Variants in NXPE1 observed in about 807,000 individuals in gnomAD.
The protein encoded by NXPE1 is NXPE family member 1.
A neutral mutation model predicts 33.3 loss-of-function variants in NXPE1; 31 were observed. The ratio of observed to expected loss-of-function variants is 0.93; its 90% confidence interval spans 0.70 to 1.26. NXPE1 has a LOEUF of 1.26. Ranked by LOEUF, NXPE1 falls within the 50% of genes most tolerant of loss-of-function variation. NXPE1 has a pLI of 0.00. For synonymous variants in NXPE1, 229 were observed against 231.4 expected (o/e 0.99, Z 0.09); for missense variants, 661 against 655.6 (o/e 1.01, Z -0.09).
chr11:114,553,713 T>A, intron 1 of NXPE1: 6 of 985,350 alleles, frequency 6.1e-6, no homozygotes, highest in African/African-American at 1.7e-5. Context: ...TAGCTTGAGC[T>A]CTGCATATCC....
downstream of NXPE1, among the ~76,000 whole-genome samples, chr11:114,520,252 C>T (rs10891690): frequency 0.23 from 34,359 of 151,866 alleles, 5,439 homozygotes; most frequent in African/African-American, 0.44. Flanking sequence ...TTGACCTACA[C>T]CTCCCTGTTT....
At chr11:114,529,396 C>T (rs1053502748) in intron 6 of NXPE1, 2 of 152,178 alleles carry the variant, frequency 1.3e-5, no homozygotes, top group African/African-American at 4.8e-5. Flanking sequence ...ATGAAGGAAC[C>T]CTGATGTTTC....
rs1217915088 is a variant in NXPE1, at chr11:114,527,835, C to T, written c.895+5G>A. The T allele has an allele frequency of 6.2e-7, 1 of 1,603,486 alleles. No homozygotes were observed. Among genetic ancestry groups the T allele is most frequent in the Admixed American group, 1.7e-5 (1 of 58,844 alleles). ...ATCACCTAACTCAGGACAGAGCCAACTTACTGTTACAATTAGTGACATCAA... is the reference window on the plus strand; with the variant it reads ...ATCACCTAACTCAGGACAGAGCCAATTTACTGTTACAATTAGTGACATCAA... On this transcript the variant is annotated splice_donor_5th_base_variant and intron_variant, in intron 7 of 8. Coordinates refer to ENST00000534921, the Ensembl canonical transcript of NXPE1.
intron 8 of NXPE1, 49 bp downstream of exon 8, chr11:114,522,830 A>T: frequency 7.3e-7 from 1 of 1,365,736 alleles, no homozygotes. Context: ...CATTAAAAGT[A>T]CTTTAAAACC....
intron 5 of NXPE1, among the ~76,000 whole-genome samples, chr11:114,539,721 T>C (rs897458244): frequency 1.3e-5 from 2 of 152,136 alleles, no homozygotes; most frequent in Non-Finnish European, 2.9e-5. Flanking sequence ...ATACTAGCCC[T>C]AGTGTAAATT....
intron 5 of NXPE1, among the ~76,000 whole-genome samples, chr11:114,534,497 A>G (rs1476759682): frequency 6.6e-6 from 1 of 152,212 alleles, no homozygotes; most frequent in Non-Finnish European, 1.5e-5. Context: ...GAGCTAAAGG[A>G]GGAAGTTCGA....
In NXPE1 at chr11:114,530,144, A is replaced by G. The variant is rs1450414915; in HGVS notation, c.833+31T>C. On this transcript the variant is annotated intron_variant, in intron 6 of 8. Coordinates refer to ENST00000534921, the Ensembl canonical transcript of NXPE1. ...CTGACTGGGGCACTTCTCAGGGGAC[A>G]CTTCTCAGTATACATGAAAAGTATA... 3.2e-6 allele frequency: 5 copies of G among 1,552,926 alleles called. No individual in the cohort carries two copies. The African/African-American group carries it at 5.5e-5, about 17-fold the overall frequency.
chr11:114,519,188 T>C (rs2134874464), downstream of NXPE1, among the ~76,000 whole-genome samples: 1 of 151,462 alleles, frequency 6.6e-6, no homozygotes, highest in South Asian at 2.1e-4. Context: ...AAATTATACA[T>C]ATTTTTCTAA....
intron 5 of NXPE1, 93 bp downstream of exon 5, chr11:114,551,010 A>T: frequency 1.5e-6 from 1 of 659,550 alleles, no homozygotes; most frequent in South Asian, 1.8e-5. Context: ...GTGGGGGAGG[A>T]GGGGCAGGAC....
intron 5 of NXPE1, 22 bp downstream of exon 5, chr11:114,551,081 A>C (rs1948466047): frequency 1.5e-6 from 2 of 1,301,416 alleles, no homozygotes; most frequent in South Asian, 1.3e-5. Context: ...TGTGATCTGC[A>C]TCAAAGGTGA....
At chr11:114,521,699 A>C (rs1192083036) in exon 9 of NXPE1, 1 of 370,164 alleles carries the variant, frequency 2.7e-6, no homozygotes, top group Non-Finnish European at 4.8e-6. Flanking sequence ...GATATTTTCA[A>C]ATCAGCTTAA....
intron 7 of NXPE1, among the ~76,000 whole-genome samples, chr11:114,523,416 T>A (rs976753074): frequency 2.6e-5 from 4 of 152,160 alleles, no homozygotes; most frequent in Non-Finnish European, 2.9e-5. Flanking sequence ...CTTTGTCTCT[T>A]ACCCAAATGA....
At chr11:114,522,279 A>G in exon 9 of NXPE1, 2 of 1,614,064 alleles carry the variant, frequency 1.2e-6, no homozygotes, top group South Asian at 1.1e-5. Context: ...TCAATGGGAA[A>G]TGGTCTAAAG....
At chr11:114,532,974 G>A (rs1947640061) in intron 5 of NXPE1, among the ~76,000 whole-genome samples, 1 of 152,142 alleles carries the variant, frequency 6.6e-6, no homozygotes, top group South Asian at 2.1e-4. Context: ...CATTTACTTA[G>A]CATTACAATT....
chr11:114,543,535 CT>C (rs1948173958), intron 5 of NXPE1, among the ~76,000 whole-genome samples: 2 of 149,828 alleles, frequency 1.3e-5, no homozygotes, highest in Non-Finnish European at 3.0e-5. Context: ...AAAAAAAAAT[CT>C]TTTTAGATTG....
At chr11:114,543,340 G>A (rs1430430566) in intron 5 of NXPE1, among the ~76,000 whole-genome samples, 2 of 151,312 alleles carry the variant, frequency 1.3e-5, no homozygotes, top group African/African-American at 4.9e-5. Context: ...ACTCCAGCCT[G>A]GGCAACAGAG....
At chr11:114,546,597 T>G (rs1206770815) in intron 5 of NXPE1, among the ~76,000 whole-genome samples, 1 of 151,942 alleles carries the variant, frequency 6.6e-6, no homozygotes. Flanking sequence ...GCACCATGCC[T>G]GGCCAATATT....
chr11:114,525,777 G>A (rs967485154), intron 7 of NXPE1, among the ~76,000 whole-genome samples: 11 of 152,184 alleles, frequency 7.2e-5, no homozygotes, highest in Non-Finnish European at 1.5e-4. Context: ...TTAGTGAAGT[G>A]TATATTCAAG....
At chr11:114,533,537 C>T (rs900622687) in intron 5 of NXPE1, among the ~76,000 whole-genome samples, 1 of 152,176 alleles carries the variant, frequency 6.6e-6, no homozygotes, top group Non-Finnish European at 1.5e-5. Flanking sequence ...CTTTCCTAGT[C>T]AAAGAAAGGG....
Sources: allele counts gnomAD v4.1 joint callset (sites outside exome capture counted in the v4.1 genomes callset), GRCh38; gene constraint gnomAD v4.1.1; transcripts MANE v1.5; gene names NCBI Gene and HGNC (gene_info 2026-07-23, HGNC 2026-07-21).